The following MYO5B variants were observed in gnomAD, a reference collection of about 807,000 sequenced individuals.
MYO5B encodes myosin VB.
A neutral mutation model predicts 229.3 loss-of-function variants in MYO5B; 143 were observed. The ratio of observed to expected loss-of-function variants is 0.62; its 90% CI spans 0.54 to 0.72. The LOEUF is 0.72. Ranked by LOEUF, MYO5B falls within the 30% of genes least tolerant of loss-of-function variation. The pLI is 0.00. For synonymous variants in MYO5B, 918 were observed against 885.2 expected (o/e 1.04, Z -0.66); for missense variants, 2,321 against 2,331.0 (o/e 1.00, Z 0.09).
chr18:49,836,367 A>T (rs999142015), intron 38 of MYO5B, among the ~76,000 whole-genome samples: 58 of 152,218 alleles, frequency 3.8e-4, no homozygotes, highest in African/African-American at 1.4e-3. Context: ...CAATTTCTGA[A>T]AATTTGTGGA....
chr18:49,834,733 G>A (rs1039870673), intron 39 of MYO5B, among the ~76,000 whole-genome samples: 1 of 152,062 alleles, frequency 6.6e-6, no homozygotes, highest in Non-Finnish European at 1.5e-5. Context: ...CCGCCTCCCA[G>A]GTTCACGCCA....
chr18:49,967,494 A>T (rs2025638876), intron 10 of MYO5B, among the ~76,000 whole-genome samples: 1 of 152,192 alleles, frequency 6.6e-6, no homozygotes, highest in Admixed American at 6.5e-5. Context: ...TATAAAGCTC[A>T]CTCTCCAGCA....
intron 3 of MYO5B, 100 bp downstream of exon 3, chr18:50,040,043 T>C: frequency 1.5e-6 from 2 of 1,305,714 alleles, no homozygotes; most frequent in South Asian, 1.2e-5. Context: ...TACTTACAAA[T>C]GAGAGAGTGA....
At chr18:49,937,767 G>A (rs966363808) in intron 14 of MYO5B, among the ~76,000 whole-genome samples, 1 of 151,460 alleles carries the variant, frequency 6.6e-6, no homozygotes, top group African/African-American at 2.4e-5. Flanking sequence ...CCATTTACAT[G>A]AAATATCCAG....
intron 1 of MYO5B, among the ~76,000 whole-genome samples, chr18:50,159,489 A>G (rs1027011732): frequency 1.3e-5 from 2 of 152,086 alleles, no homozygotes; most frequent in African/African-American, 4.8e-5. Context: ...CGTTAGTGAC[A>G]TTCAGTCACC....
rs547066827 is a variant in MYO5B at position 50,108,770 on chromosome 18, T to C, written c.28-53392A>G. Among the ~76,000 whole-genome samples the C allele has an allele frequency of 3.9e-5, 6 of 152,346 alleles. No individual in the cohort carries two copies. The South Asian group carries it at 1.2e-3, about 32-fold the overall frequency. ...ATCAGTAAAAAATATGTAGTAACTC[T>C]ACTATTGAGGATACCAGGTATGTAG... On this transcript the variant is annotated intron_variant, in intron 1 of 39. Transcript: ENST00000285039.
chr18:50,153,246 T>G (rs528167928), intron 1 of MYO5B, among the ~76,000 whole-genome samples: 2 of 152,244 alleles, frequency 1.3e-5, no homozygotes, highest in Non-Finnish European at 2.9e-5. Context: ...AGATTGAAAA[T>G]AAGGATGTCT....
Position 50,133,612 on chromosome 18 carries a change from C to G in MYO5B, c.27+61155G>C, listed in dbSNP as rs554940209. ...TCCGTCCGTCTGTCTGTCTGTCCCC[C>G]CACTGCAACCCCATGACTGTCCTGG... On this transcript the variant is annotated intron_variant, in intron 1 of 39. Transcript: ENST00000285039. Among the ~76,000 whole-genome samples, 34 of 152,280 alleles carry G rather than the reference C, an allele frequency of 2.2e-4. 1 individual carries two copies. In the South Asian group the frequency reaches 7.0e-3, roughly 32 times the overall value.
At chr18:49,947,871 A>G (rs2025391587) in intron 14 of MYO5B, among the ~76,000 whole-genome samples, 2 of 152,186 alleles carry the variant, frequency 1.3e-5, no homozygotes, top group South Asian at 4.1e-4. Context: ...AACTTTGTAA[A>G]GGCCATTTGG....
At chr18:50,102,092 T>C (rs916320454) in intron 1 of MYO5B, among the ~76,000 whole-genome samples, 2 of 152,020 alleles carry the variant, frequency 1.3e-5, no homozygotes, top group African/African-American at 4.8e-5. Context: ...GAAGGAAGGA[T>C]TGCGTCCTTG....
chr18:49,876,812 A>T (rs1284775364), intron 25 of MYO5B, among the ~76,000 whole-genome samples: 2 of 152,230 alleles, frequency 1.3e-5, no homozygotes, highest in Non-Finnish European at 2.9e-5. Flanking sequence ...CGCACAACAG[A>T]GAGGAGACCT....
Position 50,090,748 on chromosome 18 carries a change from T to C in MYO5B, c.28-35370A>G, listed in dbSNP as rs114176261. ...ACAACTGACCTGCTCTGCGTTATAATGCAGCACAGGGGAGCTGCTGCCCCT... is the reference window on the plus strand; with the variant it reads ...ACAACTGACCTGCTCTGCGTTATAACGCAGCACAGGGGAGCTGCTGCCCCT... On this transcript the variant is annotated intron_variant, in intron 1 of 39. Coordinates refer to ENST00000285039, the MANE Select transcript of MYO5B (RefSeq NM_001080467.3). Among the ~76,000 whole-genome samples the C allele has an allele frequency of 2.5e-3, 377 of 152,336 alleles. 1 individual carries two copies. The highest frequency in any genetic ancestry group is 8.7e-3 in the African/African-American group (360 of 41,582).
At chr18:50,145,406 G>C (rs1028097836) in intron 1 of MYO5B, among the ~76,000 whole-genome samples, 3 of 148,684 alleles carry the variant, frequency 2.0e-5, no homozygotes, top group Non-Finnish European at 3.0e-5. Flanking sequence ...AGAATGGCGT[G>C]AACCCGGGAG....
chr18:50,028,780 C>T (rs1263374218), intron 4 of MYO5B, among the ~76,000 whole-genome samples: 1 of 152,216 alleles, frequency 6.6e-6, no homozygotes, highest in Non-Finnish European at 1.5e-5. Flanking sequence ...GTGACGCAGG[C>T]TCTCTCCTTT....
chr18:50,150,836 TA>T (rs1309865210), intron 1 of MYO5B, among the ~76,000 whole-genome samples: 11 of 149,652 alleles, frequency 7.4e-5, no homozygotes, highest in African/African-American at 4.9e-5. Context: ...AGTATAATAA[TA>T]AAAAAAAAGA....
intron 4 of MYO5B, among the ~76,000 whole-genome samples, chr18:50,015,981 C>T (rs143347666): frequency 6.6e-6 from 1 of 152,292 alleles, no homozygotes; most frequent in East Asian, 1.9e-4. Flanking sequence ...GGAAAGCCTA[C>T]CTCGAAAACC....
intron 1 of MYO5B, among the ~76,000 whole-genome samples, chr18:50,106,232 C>CT (rs1380968567): frequency 2.0e-5 from 3 of 152,210 alleles, no homozygotes; most frequent in African/African-American, 7.2e-5. Context: ...ACTGCCATCC[C>CT]TGTCCAGGTC....
intron 1 of MYO5B, among the ~76,000 whole-genome samples, chr18:50,135,042 C>T (rs1031917826): frequency 6.6e-6 from 1 of 152,150 alleles, no homozygotes; most frequent in African/African-American, 2.4e-5. Context: ...TAAGATAATG[C>T]CCTCCACTCT....
chr18:49,863,283 C>CT lies in MYO5B; in HGVS notation c.3887dup (p.His1297AlafsTer3), dbSNP rs1176621644. The CT allele has an allele frequency of 6.2e-7, 1 of 1,613,778 alleles. No individual in the cohort carries two copies. The highest frequency in any genetic ancestry group is 2.2e-5 in the East Asian group (1 of 44,876). ...CAATGGCATCCTCCTGGTCAACATG[C>CT]TTTTCACTGTTAGGCCAACTTGATC... is the stretch of plus-strand genomic sequence containing the variant. On this transcript the variant is annotated frameshift_variant, in exon 29 of 40. Transcript: ENST00000285039. LOFTEE classifies it high-confidence loss of function.
Sources: gnomAD v4.1 joint callset for allele counts (sites outside exome capture counted in the v4.1 genomes callset) on GRCh38, gnomAD v4.1.1 for gene constraint, MANE v1.5 for transcripts, NCBI Gene and HGNC (gene_info 2026-07-23, HGNC 2026-07-21) for gene names.